Variants in VWA8 observed in about 807,000 individuals in gnomAD.
VWA8 encodes the protein von Willebrand factor A domain-containing protein 8.
VWA8 carries 221 observed loss-of-function variants against 241.5 expected under a neutral mutation model. The ratio of observed to expected loss-of-function variants is 0.91; its 90% CI spans 0.82 to 1.02. The LOEUF (loss-of-function observed/expected upper bound fraction) is 1.02, where lower values mean the gene tolerates loss of function less well. Ranked by LOEUF, VWA8 falls within the 50% of genes least tolerant of loss-of-function variation. The pLI is 0.00. For synonymous variants in VWA8, 852 were observed against 827.1 expected (o/e 1.03, Z -0.52); for missense variants, 2,322 against 2,328.7 (o/e 1.00, Z 0.06).
intron 40 of VWA8, among the ~76,000 whole-genome samples, chr13:41,603,051 TA>T (rs541569978): frequency 2.8e-4 from 42 of 152,296 alleles, no homozygotes; most frequent in African/African-American, 9.6e-4. Flanking sequence ...AGGAAGATAA[TA>T]AAAACTCCCC....
chr13:41,741,497 T>C (rs73183356), intron 21 of VWA8, among the ~76,000 whole-genome samples: 2,063 of 152,344 alleles, frequency 0.014, 12 homozygotes, highest in South Asian at 0.019. Context: ...AGCTGAACTA[T>C]TGTTCTATAG....
intron 20 of VWA8, among the ~76,000 whole-genome samples, chr13:41,773,693 G>A (rs1022354304): frequency 6.6e-6 from 1 of 152,130 alleles, no homozygotes. Context: ...AATTGAAGTT[G>A]GCTAAAGGAT....
At chr13:41,766,847 C>T (rs371787883) in intron 20 of VWA8, among the ~76,000 whole-genome samples, 6 of 152,266 alleles carry the variant, frequency 3.9e-5, no homozygotes, top group Middle Eastern at 3.4e-3. Context: ...GGATCATGCC[C>T]TATTCGGGTC....
chr13:41,765,820 T>C (rs2045775428), intron 20 of VWA8, among the ~76,000 whole-genome samples: 1 of 152,216 alleles, frequency 6.6e-6, no homozygotes. Flanking sequence ...TTTTATATCA[T>C]TAACTCTTAT....
In VWA8 at chr13:41,728,716, T is replaced by C. The variant is rs1013798986; in HGVS notation, c.2638+826A>G. On this transcript the variant is annotated intron_variant, in intron 23 of 44. Coordinates refer to ENST00000379310, the MANE Select transcript of VWA8 (RefSeq NM_015058.2). ...TGAAATATTAGAATGCTTTTATTAG[T>C]GCTAAGCTCATACTCAGAAATGGCA... is the stretch of plus-strand genomic sequence containing the variant. 5.3e-5 allele frequency among the ~76,000 whole-genome samples: 8 copies of C among 152,134 alleles called. No individual in the cohort carries two copies. In the South Asian group the frequency reaches 1.5e-3, roughly 28 times the overall value.
chr13:41,640,827 A>T (rs1282180906), intron 37 of VWA8, among the ~76,000 whole-genome samples: 1 of 152,230 alleles, frequency 6.6e-6, no homozygotes, highest in African/African-American at 2.4e-5. Context: ...ATAATAAGTC[A>T]ATCCAGTTGT....
intron 21 of VWA8, among the ~76,000 whole-genome samples, chr13:41,756,875 C>G (rs2045698131): frequency 6.6e-6 from 1 of 151,572 alleles, no homozygotes; most frequent in African/African-American, 2.4e-5. Flanking sequence ...TAAAGGAACC[C>G]TCACTCTACA....
At chr13:41,729,738 ATTAC>A in intron 22 of VWA8, 61 bp from the exon 23 acceptor site, 1 of 1,556,068 alleles carries the variant, frequency 6.4e-7, no homozygotes, top group Non-Finnish European at 8.7e-7. Flanking sequence ...TTAAAACTTC[ATTAC>A]TTACTGCTTT....
chr13:41,945,406 A>T (rs1877804107), intron 2 of VWA8, among the ~76,000 whole-genome samples: 1 of 152,182 alleles, frequency 6.6e-6, no homozygotes, highest in Non-Finnish European at 1.5e-5. Flanking sequence ...AGTATGGCTC[A>T]TACATACAGA....
At chr13:41,753,934 T>C (rs2045674046) in intron 21 of VWA8, among the ~76,000 whole-genome samples, 1 of 152,132 alleles carries the variant, frequency 6.6e-6, no homozygotes. Flanking sequence ...TTTAGACATA[T>C]GTTTCTCTTA....
At chr13:41,714,408 G>A (rs1451467452) in intron 26 of VWA8, among the ~76,000 whole-genome samples, 1 of 151,912 alleles carries the variant, frequency 6.6e-6, no homozygotes, top group Non-Finnish European at 1.5e-5. Context: ...GAACATTTAA[G>A]TATTTTATAG....
chr13:41,787,639 CCTTA>C lies in VWA8; in HGVS notation c.2064-100_2064-97del, dbSNP rs945713906. On this transcript the variant is annotated intron_variant, in intron 17 of 44. Transcript: ENST00000379310. ...ACACACACACACACACACACACACT[CCTTA>C]CTAATTACAACTAATTAAGGAAGAT... 5 of 755,084 alleles carry C rather than the reference CCTTA, an allele frequency of 6.6e-6. No individual in the cohort carries two copies. In the African/African-American group the frequency reaches 8.8e-5, roughly 13 times the overall value. 46.8% of individuals were successfully genotyped at this position (755,084 alleles called of 1,614,324 possible). A position where few individuals can be genotyped will look rare whatever the true frequency, so the allele number is the denominator to read the frequency against.
At chr13:41,926,932 TC>T (rs760981211) in intron 2 of VWA8, 20 of 548,362 alleles carry the variant, frequency 3.6e-5, no homozygotes, top group Middle Eastern at 3.1e-4. Context: ...GTAGGGGAGT[TC>T]CTGGAAATGA....
At chr13:41,924,080 T>A (rs1430295311) in intron 2 of VWA8, among the ~76,000 whole-genome samples, 2 of 151,860 alleles carry the variant, frequency 1.3e-5, no homozygotes, top group Non-Finnish European at 2.9e-5. Context: ...TATTTACAAA[T>A]GGCCTAAAAA....
chr13:41,924,092 G>T (rs919026851), intron 2 of VWA8, among the ~76,000 whole-genome samples: 1 of 151,594 alleles, frequency 6.6e-6, no homozygotes, highest in Non-Finnish European at 1.5e-5. Context: ...GCCTAAAAAG[G>T]AACTCAAAAA....
chr13:41,841,820 A>ATATATAT (rs1303621935), intron 12 of VWA8, among the ~76,000 whole-genome samples: 3 of 22,220 alleles, frequency 1.4e-4, no homozygotes, highest in African/African-American at 5.2e-4. Context: ...AAAAAAAAAA[A>ATATATAT]ATATATATAT....
At chr13:41,917,705 T>A (rs1876325570) in intron 2 of VWA8, among the ~76,000 whole-genome samples, 1 of 152,180 alleles carries the variant, frequency 6.6e-6, no homozygotes, top group Non-Finnish European at 1.5e-5. Context: ...GAGTTTACAC[T>A]CAAATTACCT....
At chr13:41,784,709 T>TACATATACATATAC (rs1566456249) in intron 18 of VWA8, among the ~76,000 whole-genome samples, 1,729 of 60,236 alleles carry the variant, frequency 0.029, 87 homozygotes, top group Non-Finnish European at 0.042. Flanking sequence ...TATATATATA[T>TACATATACATATAC]ATATATATAT....
intron 37 of VWA8, among the ~76,000 whole-genome samples, chr13:41,667,045 TA>T (rs1269122998): frequency 6.6e-6 from 1 of 152,128 alleles, no homozygotes; most frequent in African/African-American, 2.4e-5. Context: ...TGTATAAGAG[TA>T]AACTATGCTC....
Sources: gnomAD v4.1 joint callset for allele counts (sites outside exome capture counted in the v4.1 genomes callset) on GRCh38, gnomAD v4.1.1 for gene constraint, MANE v1.5 for transcripts, NCBI Gene and HGNC (gene_info 2026-07-23, HGNC 2026-07-21) for gene names.